DPYD: variants seen among roughly 807,000 people sequenced by gnomAD.
The protein encoded by DPYD is dihydropyrimidine dehydrogenase.
A neutral mutation model predicts 116.2 loss-of-function variants in DPYD; 109 were observed. That is an observed-to-expected ratio of 0.94 (90% confidence interval 0.80 to 1.10). DPYD has a LOEUF of 1.10. DPYD is among the 50% of genes least tolerant of loss of function. The probability of loss-of-function intolerance (pLI) is 0.00; values close to 1 mark genes in which losing one functional copy is unlikely to be tolerated. For missense variants in DPYD, 1,302 were observed against 1,254.5 expected, an observed-to-expected ratio of 1.04 and a Z score of -0.57; for synonymous variants, 440 against 432.0, an observed-to-expected ratio of 1.02 and a Z score of -0.23.
intron 10 of DPYD, among the ~76,000 whole-genome samples, chr1:97,577,963 A>C (rs1332155905): frequency 3.9e-5 from 6 of 152,046 alleles, no homozygotes; most frequent in Non-Finnish European, 7.4e-5. Flanking sequence ...CTCCTGCCTC[A>C]GCCTTCCAAG....
intron 20 of DPYD, among the ~76,000 whole-genome samples, chr1:97,136,246 T>A (rs1448028636): frequency 6.6e-6 from 1 of 152,210 alleles, no homozygotes; most frequent in Non-Finnish European, 1.5e-5. Flanking sequence ...GCTTTAAAAA[T>A]GCTAGGAATC....
intron 1 of DPYD, among the ~76,000 whole-genome samples, chr1:97,909,478 C>T (rs146496315): frequency 1.6e-3 from 245 of 152,224 alleles, no homozygotes; most frequent in African/African-American, 3.1e-3. Flanking sequence ...TTTTCTCCAG[C>T]ATTTCCCAAT....
intron 14 of DPYD, among the ~76,000 whole-genome samples, chr1:97,417,941 C>T (rs1464294204): frequency 6.6e-6 from 1 of 152,176 alleles, no homozygotes; most frequent in African/African-American, 2.4e-5. Context: ...ATCCATAAAT[C>T]CACCCTTTCT....
At chr1:97,260,614 T>C (rs1389867265) in intron 18 of DPYD, among the ~76,000 whole-genome samples, 1 of 152,148 alleles carries the variant, frequency 6.6e-6, no homozygotes, top group Non-Finnish European at 1.5e-5. Flanking sequence ...ATTTATGAAA[T>C]AGTTGCATGG....
In DPYD at chr1:97,679,102, A is replaced by G. The variant is rs781454573; in HGVS notation, c.843T>C (p.Ile281=). ...TAAGAGTAAACTACTCACCTATTCC[A>G]ATGAAAGCAGCTTTGTAGCCTTTTT... The part of the protein sequence containing the change: ...LKEKGYKAAF[I]GIGLPEPNKD... Residue 281 remains isoleucine, a synonymous_variant, in exon 8 of 23, where the codon ATT becomes ATC. Transcript: ENST00000370192. 7 of 1,550,448 alleles carry G rather than the reference A, an allele frequency of 4.5e-6. No homozygotes were observed.
intron 16 of DPYD, among the ~76,000 whole-genome samples, chr1:97,366,197 T>C (rs559041106): frequency 6.6e-6 from 1 of 152,332 alleles, no homozygotes; most frequent in East Asian, 1.9e-4. Flanking sequence ...TATCTACTTA[T>C]GTAAGCACCC....
chr1:97,399,984 T>A (rs1405578689), intron 14 of DPYD, among the ~76,000 whole-genome samples: 1 of 152,174 alleles, frequency 6.6e-6, no homozygotes, highest in African/African-American at 2.4e-5. Flanking sequence ...TCCAGCACTA[T>A]GTTGAATAGG....
chr1:97,197,131 G>C (rs2101835028), intron 19 of DPYD, among the ~76,000 whole-genome samples: 1 of 152,210 alleles, frequency 6.6e-6, no homozygotes, highest in East Asian at 1.9e-4. Flanking sequence ...CATTTTCTAG[G>C]AAGCCCATTT....
At chr1:97,709,903 A>T (rs1023059856) in intron 5 of DPYD, among the ~76,000 whole-genome samples, 1 of 151,784 alleles carries the variant, frequency 6.6e-6, no homozygotes, top group African/African-American at 2.4e-5. Context: ...AATTAACCAA[A>T]CAATAGCAAA....
In DPYD at chr1:97,342,995, GA is replaced by G. The variant is rs375033847; in HGVS notation, c.2058+30565del. On this transcript the variant is annotated intron_variant, in intron 16 of 22. Transcript: ENST00000370192. Reference sequence around the variant, plus strand: ...TATTTGACTTAAAATTTCAGGAGAGGAAAAAAAAACACTCAAAGAAACAAAC... The same window carrying G: ...TATTTGACTTAAAATTTCAGGAGAGGAAAAAAAACACTCAAAGAAACAAAC... Among the ~76,000 whole-genome samples, 443 of 148,494 alleles carry G rather than the reference GA, an allele frequency of 3.0e-3. 7 individuals are homozygous for G. In the South Asian group the frequency reaches 0.044, roughly 15 times the overall value.
intron 18 of DPYD, among the ~76,000 whole-genome samples, chr1:97,298,774 C>T (rs1219640221): frequency 6.6e-6 from 1 of 152,044 alleles, no homozygotes. Flanking sequence ...TTCCTAATTT[C>T]CCTTTTCACT....
At chr1:97,430,374 C>T (rs746654979) in intron 14 of DPYD, among the ~76,000 whole-genome samples, 14 of 151,976 alleles carry the variant, frequency 9.2e-5, no homozygotes, top group Non-Finnish European at 1.6e-4. Flanking sequence ...ACAAGGCCTA[C>T]GGGACATGGA....
chr1:97,525,887 C>T (rs201824531), intron 12 of DPYD, among the ~76,000 whole-genome samples: 868 of 45,456 alleles, frequency 0.019, 11 homozygotes, highest in African/African-American at 0.05. Flanking sequence ...TGTGTGTGTG[C>T]GCGCGCGCGT....
chr1:97,632,799 T>C (rs1657347964), intron 8 of DPYD, among the ~76,000 whole-genome samples: 1 of 152,244 alleles, frequency 6.6e-6, no homozygotes, highest in East Asian at 1.9e-4. Context: ...TTGTATAAAC[T>C]ATCCTCAGAT....
intron 20 of DPYD, among the ~76,000 whole-genome samples, chr1:97,163,301 C>T (rs1217565228): frequency 6.6e-6 from 1 of 152,038 alleles, no homozygotes; most frequent in East Asian, 1.9e-4. Context: ...AACAAACAAC[C>T]CCATCAAAAA....
In DPYD at chr1:97,305,809, T is replaced by C. The variant is rs141110583; in HGVS notation, c.2179+368A>G. Among the ~76,000 whole-genome samples the C allele has an allele frequency of 2.7e-3, 410 of 152,068 alleles. 2 individuals carry two copies. Among genetic ancestry groups the C allele is most frequent in the African/African-American group, 9.2e-3 (384 of 41,522 alleles). ...CATAAGAAATTTCACATTGTGCAAA[T>C]TGAATTTTCTTTTTTTCTTTTTTAC... On this transcript the variant is annotated intron_variant, in intron 17 of 22. Coordinates refer to ENST00000370192, the MANE Select transcript of DPYD (RefSeq NM_000110.4).
intron 14 of DPYD, 74 bp downstream of exon 14, chr1:97,449,985 A>G (rs1676319328): frequency 6.4e-7 from 1 of 1,563,168 alleles, no homozygotes; most frequent in Non-Finnish European, 8.8e-7. Context: ...TTATAAGCCT[A>G]TGAATTGGAT....
In DPYD at chr1:97,604,774, A is replaced by T. The variant is rs75831599; in HGVS notation, c.851-9608T>A. On this transcript the variant is annotated intron_variant, in intron 8 of 22. Transcript: ENST00000370192. The stretch of plus-strand genomic sequence containing the variant: ...GCATTCTTGATGGATGCGCTTGGTC[A>T]ACAATTCCAGAAACATGTTTGACCT... 3.0e-4 allele frequency among the ~76,000 whole-genome samples: 46 copies of T among 152,194 alleles called. No homozygotes were observed. In the East Asian group the frequency reaches 6.2e-3, roughly 20 times the overall value.
intron 19 of DPYD, among the ~76,000 whole-genome samples, chr1:97,225,724 A>G (rs1384816969): frequency 1.3e-5 from 2 of 151,984 alleles, no homozygotes; most frequent in Non-Finnish European, 2.9e-5. Context: ...AGTTTGATGT[A>G]GTCCTACTTG....
Sources: gnomAD v4.1 joint callset for allele counts (sites outside exome capture counted in the v4.1 genomes callset) on GRCh38, gnomAD v4.1.1 for gene constraint, MANE v1.5 for transcripts, NCBI Gene and HGNC (gene_info 2026-07-23, HGNC 2026-07-21) for gene names.